The following ZFAT variants were observed in gnomAD, a reference collection of about 807,000 sequenced individuals.
The protein encoded by ZFAT is zinc finger protein ZFAT.
Under a neutral mutation model 117.7 loss-of-function variants are expected in ZFAT, and 64 were observed. That is an observed-to-expected ratio of 0.54 (90% confidence interval 0.44 to 0.67). ZFAT has a LOEUF of 0.67. ZFAT is among the 30% of genes least tolerant of loss of function. The pLI is 0.00. For synonymous variants in ZFAT, 679 were observed against 615.0 expected (o/e 1.10, Z -1.54); for missense variants, 1,433 against 1,584.5 (o/e 0.90, Z 1.62).
intron 10 of ZFAT, among the ~76,000 whole-genome samples, chr8:134,579,580 G>C (rs1246015501): frequency 6.6e-6 from 1 of 152,118 alleles, no homozygotes; most frequent in Non-Finnish European, 1.5e-5. Context: ...ATGAGATTTG[G>C]GCGGAGACAC....
chr8:134,791,113 T>C, the ZFAT span, among the ~76,000 whole-genome samples: 1 of 152,364 alleles, frequency 6.6e-6, no homozygotes, highest in South Asian at 2.1e-4. Context: ...CATTCCTTTA[T>C]TAAAGCCAGT....
intron 12 of ZFAT, among the ~76,000 whole-genome samples, chr8:134,524,145 C>T (rs771989480): frequency 2.8e-4 from 42 of 152,184 alleles, no homozygotes; most frequent in Admixed American, 6.5e-4. Flanking sequence ...CCCCTGCTCT[C>T]CTTGGACTTC....
chr8:134,615,386 G>C (rs993664859), intron 3 of ZFAT, among the ~76,000 whole-genome samples: 1 of 151,948 alleles, frequency 6.6e-6, no homozygotes. Context: ...ACGGGGTTTC[G>C]CCATGTTAGC....
At position 134,524,027 on chromosome 8, in the gene ZFAT, C is replaced by T. The variant is rs1041268586; in HGVS notation, c.3116-3026G>A. ...GGGCATCATCCACTTATTCTCTGTT[C>T]AAGTCCCAGCACCCGGCATCTAGCT... On this transcript the variant is annotated intron_variant, in intron 12 of 15. Coordinates refer to ENST00000377838, the MANE Select transcript of ZFAT (RefSeq NM_020863.4). 3.9e-4 allele frequency among the ~76,000 whole-genome samples: 60 copies of T among 152,214 alleles called. 2 individuals carry two copies. The highest frequency in any genetic ancestry group is 1.5e-5 in the Non-Finnish European group (1 of 68,036).
chr8:134,481,767 G>A (rs1245587310), intron 15 of ZFAT, among the ~76,000 whole-genome samples: 5 of 152,202 alleles, frequency 3.3e-5, no homozygotes, highest in African/African-American at 7.2e-5. Context: ...GGAGGCCAGC[G>A]TGCCTGACCT....
the ZFAT span, among the ~76,000 whole-genome samples, chr8:134,735,131 A>T: frequency 6.6e-6 from 1 of 152,158 alleles, no homozygotes; most frequent in Admixed American, 6.5e-5. Flanking sequence ...TTTTTGTGTC[A>T]ATGTTGGAAA....
intron 15 of ZFAT, among the ~76,000 whole-genome samples, chr8:134,489,875 C>T (rs1817927516): frequency 6.6e-6 from 1 of 152,178 alleles, no homozygotes; most frequent in Admixed American, 6.5e-5. Context: ...ACCCAACCTG[C>T]TCCTCCCTCC....
intron 11 of ZFAT, among the ~76,000 whole-genome samples, chr8:134,543,501 C>A (rs575361273): frequency 8.2e-4 from 125 of 152,274 alleles, no homozygotes; most frequent in Non-Finnish European, 1.3e-3. Flanking sequence ...ACTTTCAGGA[C>A]AACTTCAGCA....
At chr8:134,533,031 C>A in intron 11 of ZFAT, 59 bp from the exon 12 acceptor site, 1 of 1,547,058 alleles carries the variant, frequency 6.5e-7, no homozygotes, top group Non-Finnish European at 8.7e-7. Flanking sequence ...GCCTTCGCTG[C>A]TGCTCCCACC....
chr8:134,788,832 T>G, the ZFAT span, among the ~76,000 whole-genome samples: 1 of 152,170 alleles, frequency 6.6e-6, no homozygotes, highest in African/African-American at 2.4e-5. Context: ...CCTCTTTATC[T>G]CTGGTAATGC....
chr8:134,678,820 C>G (rs1051821734), intron 1 of ZFAT, among the ~76,000 whole-genome samples: 2 of 152,076 alleles, frequency 1.3e-5, no homozygotes, highest in African/African-American at 2.4e-5. Context: ...ACAAACCTGA[C>G]AAAAACAAGC....
At chr8:134,658,053 T>C (rs140285297) in intron 1 of ZFAT, among the ~76,000 whole-genome samples, 8 of 152,270 alleles carry the variant, frequency 5.3e-5, no homozygotes, top group East Asian at 1.9e-4. Context: ...AAAATAAATA[T>C]GCGGCCGGGC....
At chr8:134,829,987 T>C in the ZFAT span, among the ~76,000 whole-genome samples, 5 of 152,248 alleles carry the variant, frequency 3.3e-5, no homozygotes, top group Non-Finnish European at 7.3e-5. Context: ...ATAAAAATGA[T>C]TTTTTAAAAA....
chr8:134,742,272 G>A, the ZFAT span, among the ~76,000 whole-genome samples: 3 of 151,614 alleles, frequency 2.0e-5, no homozygotes, highest in Non-Finnish European at 2.9e-5. Flanking sequence ...CTATCAACCC[G>A]TCATCTAGGT....
At chr8:134,533,012 C>T (rs1176526254) in intron 11 of ZFAT, 40 bp from the exon 12 acceptor site, 4 of 1,570,900 alleles carry the variant, frequency 2.5e-6, no homozygotes, top group Non-Finnish European at 3.5e-6. Context: ...AGGTGAGCCC[C>T]AGATGTCTGC....
At chr8:134,614,000 T>C (rs944861945) in intron 3 of ZFAT, among the ~76,000 whole-genome samples, 2 of 152,208 alleles carry the variant, frequency 1.3e-5, no homozygotes, top group African/African-American at 4.8e-5. Flanking sequence ...ATTGTTAAAC[T>C]CGTTTTTAAC....
At chr8:134,688,910 T>C (rs1439023144) in intron 1 of ZFAT, among the ~76,000 whole-genome samples, 2 of 152,106 alleles carry the variant, frequency 1.3e-5, no homozygotes, top group African/African-American at 4.8e-5. Context: ...CCACTCTGCT[T>C]CCTGGGGTTT....
In ZFAT at chr8:134,701,834, G is replaced by A. The variant is rs1249165030; in HGVS notation, c.19+11011C>T. On this transcript the variant is annotated intron_variant, in intron 1 of 15. Transcript: ENST00000377838. ...CTAATGAGCATTTGGGCTGGTTCCA[G>A]TTTGGGGCTTGCTATGCTTTCAATG... is the stretch of plus-strand genomic sequence containing the variant. 2.0e-5 allele frequency among the ~76,000 whole-genome samples: 3 copies of A among 152,224 alleles called. No individual in the cohort carries two copies. In the South Asian group the frequency reaches 6.2e-4, roughly 32 times the overall value.
chr8:134,657,107 C>T (rs982335092), intron 2 of ZFAT, among the ~76,000 whole-genome samples: 1 of 152,182 alleles, frequency 6.6e-6, no homozygotes, highest in African/African-American at 2.4e-5. Flanking sequence ...TTCCTTTTAT[C>T]ATGTTCTGTG....
Sources: allele counts gnomAD v4.1 joint callset (sites outside exome capture counted in the v4.1 genomes callset), GRCh38; gene constraint gnomAD v4.1.1; transcripts MANE v1.5; gene names NCBI Gene and HGNC (gene_info 2026-07-23, HGNC 2026-07-21).